ZNF334: variants seen among roughly 807,000 people sequenced by gnomAD.
The protein encoded by ZNF334 is zinc finger protein 334.
In ZNF334, 14 loss-of-function variants were observed where a neutral mutation model predicts 12.4. The ratio of observed to expected loss-of-function variants is 1.13; its 90% confidence interval spans 0.74 to 1.76. ZNF334 has a LOEUF of 1.76. ZNF334 is among the 40% of genes most tolerant of loss of function. The pLI, the probability that ZNF334 is intolerant of heterozygous loss-of-function variation, is 0.00. For synonymous variants in ZNF334, 273 were observed against 269.6 expected (o/e 1.01, Z -0.12); for missense variants, 797 against 804.5 (o/e 0.99, Z 0.11).
At chr20:46,465,909 C>A in the ZNF334 span, among the ~76,000 whole-genome samples, 1 of 151,586 alleles carries the variant, frequency 6.6e-6, no homozygotes, top group African/African-American at 2.4e-5. Context: ...GAGCCAAGAT[C>A]GTGCCACTTA....
At chr20:46,475,956 C>T in the ZNF334 span, among the ~76,000 whole-genome samples, 6 of 152,172 alleles carry the variant, frequency 3.9e-5, no homozygotes, top group African/African-American at 1.4e-4. Flanking sequence ...GCACAAGAAC[C>T]TATACACTAA....
chr20:46,504,484 A>G (rs750653067), intron 3 of ZNF334, 130 bp downstream of exon 3: 39 of 1,266,622 alleles, frequency 3.1e-5, no homozygotes, highest in African/African-American at 4.5e-5. Context: ...ACAAACTTCT[A>G]CTGTCTAAAA....
Position 46,504,226 on chromosome 20 carries a change from G to C in ZNF334, c.229C>G (p.Gln77Glu). The change falls in exon 4 of 5, where the codon CAG becomes GAG. Residue 77 changes from glutamine to glutamate, a missense_variant. Transcript: ENST00000692313. Reference sequence around the variant, plus strand: ...ATCATTTACTTACCTGGGTAGTTCTGATTTGAGAATTCCTCCACTATCCAT... The same window carrying C: ...ATCATTTACTTACCTGGGTAGTTCTCATTTGAGAATTCCTCCACTATCCAT... ...EPWIVEEFSN[Q>E]NYPDIDDALE... The C allele has an allele frequency of 6.2e-7, 1 of 1,611,232 alleles. No homozygotes were observed. The highest frequency in any genetic ancestry group is 8.5e-7 in the Non-Finnish European group (1 of 1,178,492).
the ZNF334 span, chr20:46,464,444 G>T: frequency 1.9e-6 from 1 of 517,380 alleles, no homozygotes. Context: ...ACGCTCACTG[G>T]GGCTGGCTTT....
rs768286307 is a variant in ZNF334, at chr20:46,500,957, G to A, written c.*339C>T. ...AATGAAGGTCAGATCCTCACACCTC[G>A]TAACATACACTATCAAGTAACACTG... On this transcript the variant is annotated 3_prime_UTR_variant, in exon 5 of 5. Coordinates refer to ENST00000692313, the MANE Select transcript of ZNF334 (RefSeq NM_001353824.2). 2.6e-5 allele frequency: 6 copies of A among 227,240 alleles called. No individual in the cohort carries two copies. The highest frequency in any genetic ancestry group is 6.9e-5 in the African/African-American group (3 of 43,682). 14.1% of individuals were successfully genotyped at this position (227,240 alleles called of 1,614,324 possible). A position where few individuals can be genotyped will look rare whatever the true frequency, so the allele number is the denominator to read the frequency against.
rs998484330 is a variant in ZNF334, at chr20:46,500,467, A to G, written c.*829T>C. 1 of 152,226 alleles carries G rather than the reference A, an allele frequency of 6.6e-6. No individual in the cohort carries two copies. Among genetic ancestry groups the G allele is most frequent in the Non-Finnish European group, 1.5e-5 (1 of 68,038 alleles). The allele number at this position is 152,226 out of a possible 1,614,324, so 9.4% of individuals were successfully genotyped here. ...TCCAAGAGATTTTTGAAAACATACT[A>G]ATTGACATAAACCACTGGTAGATGG... On this transcript the variant is annotated 3_prime_UTR_variant, in exon 5 of 5. Coordinates refer to ENST00000692313, the MANE Select transcript of ZNF334 (RefSeq NM_001353824.2).
At chr20:46,472,806 G>A in the ZNF334 span, among the ~76,000 whole-genome samples, 606 of 152,320 alleles carry the variant, frequency 4.0e-3, 2 homozygotes, top group African/African-American at 6.6e-3. Flanking sequence ...CTGACTGCAC[G>A]GGGGCAAGGG....
chr20:46,489,010 T>C, the ZNF334 span, among the ~76,000 whole-genome samples: 1 of 152,124 alleles, frequency 6.6e-6, no homozygotes, highest in African/African-American at 2.4e-5. Context: ...ATTCTCTTCA[T>C]GTTTCTTATT....
At chr20:46,479,174 AG>A in the ZNF334 span, among the ~76,000 whole-genome samples, 1 of 152,168 alleles carries the variant, frequency 6.6e-6, no homozygotes, top group East Asian at 1.9e-4. Context: ...TGAAGGCTCT[AG>A]GGGGGAACCT....
the ZNF334 span, chr20:46,464,439 C>G: frequency 3.9e-6 from 2 of 515,874 alleles, no homozygotes; most frequent in South Asian, 3.0e-5. Flanking sequence ...AAGCCACGCT[C>G]ACTGGGGCTG....
the ZNF334 span, chr20:46,485,456 A>C: frequency 3.3e-5 from 5 of 150,476 alleles, no homozygotes; most frequent in Non-Finnish European, 7.4e-5. Context: ...TTTTTAAGAA[A>C]ATTCTGGAGA....
At chr20:46,472,225 A>G in the ZNF334 span, among the ~76,000 whole-genome samples, 1 of 152,228 alleles carries the variant, frequency 6.6e-6, no homozygotes, top group South Asian at 2.1e-4. Context: ...CCCTTGCGGA[A>G]TATAGTCCAG....
chr20:46,506,846 T>C (rs1398714748), intron 2 of ZNF334, among the ~76,000 whole-genome samples: 1 of 152,064 alleles, frequency 6.6e-6, no homozygotes, highest in Non-Finnish European at 1.5e-5. Context: ...GCGTGGTGCC[T>C]CATGCCTGTA....
rs2061187467 is a variant in ZNF334 at position 46,501,805 on chromosome 20, T to A, written c.1534A>T (p.Thr512Ser). 2 of 1,614,226 alleles carry A rather than the reference T, an allele frequency of 1.2e-6. No homozygotes were observed. Among genetic ancestry groups the A allele is most frequent in the Non-Finnish European group, 1.7e-6 (2 of 1,180,026 alleles). ...CTACACTCATAAAGATTCTCCTTTG[T>A]GTTCATTCTCTTACACTGACTGCAG... Reference protein sequence around the residue: ...SNCSQCKRMNTKENLYECSEH... With the variant: ...SNCSQCKRMNSKENLYECSEH... Residue 512 changes from threonine to serine, a missense_variant, in exon 5 of 5, where the codon ACA (threonine) becomes TCA (serine). By Grantham distance (58) the Thr-to-Ser change is moderately conservative. Coordinates refer to ENST00000692313, the MANE Select transcript of ZNF334 (RefSeq NM_001353824.2).
At chr20:46,474,586 C>G in the ZNF334 span, 1 of 151,894 alleles carries the variant, frequency 6.6e-6, no homozygotes, top group Non-Finnish European at 1.5e-5. Context: ...AAATCCACAT[C>G]TGTAGGAGTT....
At chr20:46,488,419 T>TTATATATATATATATATA in the ZNF334 span, among the ~76,000 whole-genome samples, 246 of 102,176 alleles carry the variant, frequency 2.4e-3, 5 homozygotes, top group East Asian at 0.013. Context: ...AGCTCTTATT[T>TTATATATATATATATATA]TATATATATA....
chr20:46,491,650 G>T, the ZNF334 span: 15 of 151,996 alleles, frequency 9.9e-5, no homozygotes, highest in African/African-American at 2.9e-4. Context: ...CCGGAAAGAA[G>T]TCTTTTATTT....
downstream of ZNF334, chr20:46,496,628 G>C (rs774370575): frequency 1.3e-5 from 2 of 152,194 alleles, no homozygotes; most frequent in African/African-American, 4.8e-5. Flanking sequence ...ACATTTTGGC[G>C]TGAGATCTGG....
chr20:46,477,311 A>G, the ZNF334 span: 4 of 152,232 alleles, frequency 2.6e-5, 1 homozygote, highest in South Asian at 4.2e-4. Context: ...ATGTCATCAA[A>G]GAGCCTAACA....
Sources: allele counts gnomAD v4.1 joint callset (sites outside exome capture counted in the v4.1 genomes callset), GRCh38; gene constraint gnomAD v4.1.1; transcripts MANE v1.5; gene names NCBI Gene and HGNC (gene_info 2026-07-23, HGNC 2026-07-21).